The following MAGI2 variants were observed in gnomAD, a reference collection of about 807,000 sequenced individuals.
MAGI2 encodes the protein membrane-associated guanylate kinase, WW and PDZ domain-containing protein 2.
A neutral mutation model predicts 133.3 loss-of-function variants in MAGI2; 35 were observed. That is an observed-to-expected ratio of 0.26 (90% CI 0.20 to 0.35). MAGI2 has a LOEUF of 0.35. Among genes scored for constraint, MAGI2 ranks in the 10% least tolerant of loss-of-function variants. MAGI2 has a pLI of 1.00. For synonymous variants in MAGI2, 729 were observed against 710.6 expected (o/e 1.03, Z -0.41); for missense variants, 1,636 against 1,863.4 (o/e 0.88, Z 2.25).
intron 1 of MAGI2, among the ~76,000 whole-genome samples, chr7:79,235,063 T>C (rs1048974385): frequency 6.6e-6 from 1 of 151,792 alleles, no homozygotes; most frequent in Non-Finnish European, 1.5e-5. Flanking sequence ...GTGTGAGGTG[T>C]CAGTGTGCCC....
chr7:79,260,793 T>G (rs974643358), intron 1 of MAGI2, among the ~76,000 whole-genome samples: 6 of 152,332 alleles, frequency 3.9e-5, no homozygotes, highest in African/African-American at 1.4e-4. Context: ...GACTTGGGTC[T>G]CATCCCCAAG....
chr7:78,436,297 G>A (rs915038992), intron 6 of MAGI2, among the ~76,000 whole-genome samples: 3 of 152,042 alleles, frequency 2.0e-5, no homozygotes, highest in Non-Finnish European at 2.9e-5. Flanking sequence ...CAGGAGCAAT[G>A]AAGTGAAAAC....
At chr7:79,136,003 G>GAAAGAAAGGGAAAGAAAGAA (rs749343638) in intron 1 of MAGI2, among the ~76,000 whole-genome samples, 1 of 40,890 alleles carries the variant, frequency 2.4e-5, no homozygotes, top group African/African-American at 8.9e-5. Context: ...AAGAAAGAAA[G>GAAAGAAAGGGAAAGAAAGAA]AGAAAGAAAG....
chr7:78,429,717 TTAATAA>T (rs1799613883), intron 6 of MAGI2, among the ~76,000 whole-genome samples: 1 of 151,848 alleles, frequency 6.6e-6, no homozygotes, highest in South Asian at 2.1e-4. Flanking sequence ...CTAATAATAC[TTAATAA>T]TAATATAAAG....
rs550337910 is a variant in MAGI2, at chr7:78,500,814, C to T, written c.965+763G>A. Among the ~76,000 whole-genome samples the T allele has an allele frequency of 1.3e-4, 20 of 152,130 alleles. No individual in the cohort carries two copies. In the East Asian group the frequency reaches 2.9e-3, roughly 22 times the overall value. ...GCTAAAAGCATTTTTTTTGGCTGGG[C>T]GCAGTGGCTCACCCCTGTAATCCCA... On this transcript the variant is annotated intron_variant, in intron 5 of 21. Coordinates refer to ENST00000354212, the MANE Select transcript of MAGI2 (RefSeq NM_012301.4).
At chr7:78,954,919 A>G (rs1283312737) in intron 2 of MAGI2, among the ~76,000 whole-genome samples, 2 of 152,182 alleles carry the variant, frequency 1.3e-5, no homozygotes, top group Admixed American at 1.3e-4. Flanking sequence ...TGTGAGTTTT[A>G]AGAACCTTAC....
intron 2 of MAGI2, among the ~76,000 whole-genome samples, chr7:78,929,152 G>A (rs1046828613): frequency 6.6e-6 from 1 of 152,044 alleles, no homozygotes; most frequent in Non-Finnish European, 1.5e-5. Flanking sequence ...AATTGACACT[G>A]AGCAGTTTAT....
intron 3 of MAGI2, among the ~76,000 whole-genome samples, chr7:78,573,389 T>TAGAGAGAGAATCCTGGAA (rs1355821590): frequency 1.5e-4 from 11 of 74,290 alleles, no homozygotes; most frequent in African/African-American, 7.1e-4. Flanking sequence ...TATATATATA[T>TAGAGAGAGAATCCTGGAA]ATATATATAT....
intron 3 of MAGI2, among the ~76,000 whole-genome samples, chr7:78,561,927 AAGG>A (rs1291677086): frequency 6.6e-6 from 1 of 152,130 alleles, no homozygotes; most frequent in African/African-American, 2.4e-5. Context: ...AGAAAACCAC[AAGG>A]AGGAGAGGCC....
intron 1 of MAGI2, among the ~76,000 whole-genome samples, chr7:79,437,340 AT>A (rs1466748023): frequency 9.9e-5 from 15 of 152,130 alleles, no homozygotes; most frequent in Non-Finnish European, 2.9e-5. Context: ...CTAAAATAAA[AT>A]TTGAAATTTT....
At chr7:78,354,034 C>T (rs1196980344) in intron 7 of MAGI2, among the ~76,000 whole-genome samples, 1 of 152,166 alleles carries the variant, frequency 6.6e-6, no homozygotes, top group East Asian at 1.9e-4. Context: ...CAACACACAT[C>T]AACCAAGTAG....
chr7:79,195,809 A>G (rs1163987025), intron 1 of MAGI2, among the ~76,000 whole-genome samples: 1 of 151,820 alleles, frequency 6.6e-6, no homozygotes. Flanking sequence ...GATTTAATAT[A>G]CAACAACATG....
intron 1 of MAGI2, among the ~76,000 whole-genome samples, chr7:79,103,963 G>A (rs954115384): frequency 2.6e-5 from 4 of 152,086 alleles, no homozygotes; most frequent in Admixed American, 2.6e-4. Context: ...GGCCTCCTAA[G>A]GTGCTGGGAT....
chr7:78,060,640 A>T (rs1026834333), intron 21 of MAGI2, among the ~76,000 whole-genome samples: 1 of 152,188 alleles, frequency 6.6e-6, no homozygotes, highest in Admixed American at 6.5e-5. Context: ...TTGGGAAAGG[A>T]TTCATGGAGG....
At chr7:78,716,526 C>T (rs1406910560) in intron 2 of MAGI2, among the ~76,000 whole-genome samples, 1 of 152,036 alleles carries the variant, frequency 6.6e-6, no homozygotes, top group African/African-American at 2.4e-5. Context: ...GCAGAGTGGC[C>T]TTTAGAGGGA....
chr7:78,876,690 G>C (rs1409005369), intron 2 of MAGI2, among the ~76,000 whole-genome samples: 2 of 152,182 alleles, frequency 1.3e-5, no homozygotes, highest in African/African-American at 2.4e-5. Context: ...TTCAGGAATA[G>C]TGGATGCCAG....
intron 1 of MAGI2, among the ~76,000 whole-genome samples, chr7:79,408,341 A>T (rs1845943426): frequency 6.6e-6 from 1 of 152,120 alleles, no homozygotes; most frequent in Non-Finnish European, 1.5e-5. Context: ...ATATATCAAT[A>T]TAACATCACT....
At chr7:79,410,673 T>C (rs958950982) in intron 1 of MAGI2, 1 of 152,162 alleles carries the variant, frequency 6.6e-6, no homozygotes, top group African/African-American at 2.4e-5. Context: ...TATTACCTCA[T>C]ATGCCCACTC....
chr7:79,043,212 A>G (rs1811835203), intron 1 of MAGI2, among the ~76,000 whole-genome samples: 1 of 152,016 alleles, frequency 6.6e-6, no homozygotes, highest in Non-Finnish European at 1.5e-5. Flanking sequence ...AGCAAGCAGA[A>G]AAAAAGAAAT....
Sources: allele counts gnomAD v4.1 joint callset (sites outside exome capture counted in the v4.1 genomes callset), GRCh38; gene constraint gnomAD v4.1.1; transcripts MANE v1.5; gene names NCBI Gene and HGNC (gene_info 2026-07-23, HGNC 2026-07-21).